Variants in PTPRD observed in about 807,000 individuals in gnomAD.
PTPRD encodes the protein receptor-type tyrosine-protein phosphatase delta.
In PTPRD, 34 loss-of-function variants were observed where a neutral mutation model predicts 214.5. The ratio of observed to expected loss-of-function variants is 0.16; its 90% CI spans 0.12 to 0.21. The LOEUF (loss-of-function observed/expected upper bound fraction) is 0.21. PTPRD is among the 10% of genes least tolerant of loss of function. The probability of loss-of-function intolerance (pLI) is 1.00; values close to 1 mark genes in which losing one functional copy is unlikely to be tolerated. For missense variants in PTPRD, 2,545 were observed against 2,398.7 expected (o/e 1.06, Z -1.27); for synonymous variants, 1,128 against 845.7 (o/e 1.33, Z -5.79).
In PTPRD at chr9:8,441,609, T is replaced by C. The variant is rs993524534; in HGVS notation, c.3989-4920A>G. 7.2e-5 allele frequency among the ~76,000 whole-genome samples: 11 copies of C among 152,006 alleles called. No individual in the cohort carries two copies. The East Asian group carries it at 1.9e-3, about 27-fold the overall frequency. ...TATGTGAATTAGAATCAAGGAGTGT[T>C]GGGAGTGACAGACTGCATGCTTGTA... is the stretch of plus-strand genomic sequence containing the variant. On this transcript the variant is annotated intron_variant, in intron 34 of 45. Coordinates refer to ENST00000381196, the MANE Select transcript of PTPRD (RefSeq NM_002839.4).
chr9:8,836,725 T>TAGC (rs1343281553), intron 11 of PTPRD, among the ~76,000 whole-genome samples: 2 of 149,982 alleles, frequency 1.3e-5, no homozygotes, highest in Admixed American at 1.3e-4. Context: ...GCCTCCTGAG[T>TAGC]AGCTGGGACT....
At chr9:10,145,172 G>A (rs2099013774) in intron 3 of PTPRD, among the ~76,000 whole-genome samples, 1 of 152,080 alleles carries the variant, frequency 6.6e-6, no homozygotes, top group Admixed American at 6.6e-5. Context: ...TGTAAAAATT[G>A]AGATTTCTGT....
At chr9:10,135,943 TAAA>T (rs3075566) in intron 3 of PTPRD, among the ~76,000 whole-genome samples, 1 of 142,090 alleles carries the variant, frequency 7.0e-6, no homozygotes. Flanking sequence ...TAAGTTGAAT[TAAA>T]AAAAAAAAAA....
chr9:8,563,528 A>T (rs757518794), intron 14 of PTPRD, among the ~76,000 whole-genome samples: 1 of 144,544 alleles, frequency 6.9e-6, no homozygotes, highest in Admixed American at 7.2e-5. Context: ...ACCTCTGCTC[A>T]TGGGTTCAAG....
At chr9:10,506,439 C>G (rs1017044175) in intron 2 of PTPRD, among the ~76,000 whole-genome samples, 1 of 151,970 alleles carries the variant, frequency 6.6e-6, no homozygotes, top group Non-Finnish European at 1.5e-5. Flanking sequence ...ATGATTTCGA[C>G]TAATTTATGT....
chr9:10,501,196 G>C (rs562249791), intron 2 of PTPRD, among the ~76,000 whole-genome samples: 17 of 151,984 alleles, frequency 1.1e-4, no homozygotes, highest in African/African-American at 3.9e-4. Flanking sequence ...ATCCTCATTG[G>C]CATTCACTGG....
At chr9:8,923,724 C>T (rs1014504345) in intron 11 of PTPRD, among the ~76,000 whole-genome samples, 1 of 152,240 alleles carries the variant, frequency 6.6e-6, no homozygotes, top group Non-Finnish European at 1.5e-5. Flanking sequence ...TTGTCCATTT[C>T]GTTGATATTC....
rs560328431 is a variant in PTPRD, at chr9:8,725,753, G to C, written c.64+8027C>G. On this transcript the variant is annotated intron_variant, in intron 12 of 45. Transcript: ENST00000381196. ...ATTTATCTTCATTTTACAGATGAGAGACACATAGAGATTTGTACCCTGTCT... is the reference window on the plus strand; with the variant it reads ...ATTTATCTTCATTTTACAGATGAGACACACATAGAGATTTGTACCCTGTCT... 2.0e-3 allele frequency among the ~76,000 whole-genome samples: 312 copies of C among 152,258 alleles called. 3 individuals are homozygous for C. The highest frequency in any genetic ancestry group is 5.9e-3 in the African/African-American group (246 of 41,534).
chr9:8,414,121 T>C (rs2093721318), intron 35 of PTPRD, among the ~76,000 whole-genome samples: 1 of 152,162 alleles, frequency 6.6e-6, no homozygotes, highest in Non-Finnish European at 1.5e-5. Context: ...CCTAGTACCT[T>C]AGAACTAGTT....
At chr9:8,445,971 C>A (rs1368410365) in intron 34 of PTPRD, among the ~76,000 whole-genome samples, 1 of 152,126 alleles carries the variant, frequency 6.6e-6, no homozygotes, top group African/African-American at 2.4e-5. Context: ...TGTACAGATT[C>A]AAGTCCAAGC....
At position 10,076,524 on chromosome 9, in the gene PTPRD, A is replaced by G. The variant is rs576059458; in HGVS notation, c.-544-42734T>C. ...CTGAAGGTCCATATGATAAAACTCT[A>G]TAAAAACATGCAGTAAATGAGAAGC... On this transcript the variant is annotated intron_variant, in intron 3 of 45. Coordinates refer to ENST00000381196, the MANE Select transcript of PTPRD (RefSeq NM_002839.4). Among the ~76,000 whole-genome samples the G allele has an allele frequency of 4.6e-5, 7 of 152,250 alleles. No individual in the cohort carries two copies. In the East Asian group the frequency reaches 5.8e-4, roughly 13 times the overall value.
chr9:9,957,981 T>C (rs978167065), intron 4 of PTPRD, among the ~76,000 whole-genome samples: 1 of 152,054 alleles, frequency 6.6e-6, no homozygotes, highest in Non-Finnish European at 1.5e-5. Context: ...GGGGAAAAGG[T>C]ATCTTTCAGC....
intron 11 of PTPRD, among the ~76,000 whole-genome samples, chr9:8,840,799 G>A (rs1438734854): frequency 6.6e-6 from 1 of 151,870 alleles, no homozygotes; most frequent in Non-Finnish European, 1.5e-5. Context: ...ATGACTGATC[G>A]CCCTTTCAGT....
chr9:10,547,478 T>C (rs1025247356), intron 2 of PTPRD, among the ~76,000 whole-genome samples: 17 of 152,132 alleles, frequency 1.1e-4, no homozygotes, highest in Admixed American at 6.6e-4. Context: ...TGTGAAAGCA[T>C]TGTCTAATAA....
At chr9:9,434,572 C>T (rs894004584) in intron 8 of PTPRD, among the ~76,000 whole-genome samples, 55 of 152,104 alleles carry the variant, frequency 3.6e-4, no homozygotes, top group African/African-American at 1.3e-3. Context: ...TCAAAGCAAT[C>T]CTGAGCAAAA....
At chr9:8,450,037 A>T (rs1013192061) in intron 33 of PTPRD, among the ~76,000 whole-genome samples, 200 bp from the exon 34 acceptor site, 2 of 152,050 alleles carry the variant, frequency 1.3e-5, no homozygotes, top group Non-Finnish European at 2.9e-5. Flanking sequence ...TTTTTGTTTA[A>T]GTCAATGATC....
At chr9:8,336,611 A>G (rs1403839691) in intron 43 of PTPRD, among the ~76,000 whole-genome samples, 2 of 148,184 alleles carry the variant, frequency 1.3e-5, no homozygotes, top group Admixed American at 6.8e-5. Context: ...TAATTAAACT[A>G]AAGAGCTTCT....
chr9:8,646,367 T>C (rs995871823), intron 12 of PTPRD, among the ~76,000 whole-genome samples: 1 of 152,198 alleles, frequency 6.6e-6, no homozygotes, highest in Non-Finnish European at 1.5e-5. Flanking sequence ...CAAAAAATAA[T>C]AAACCAACTT....
intron 11 of PTPRD, among the ~76,000 whole-genome samples, chr9:8,772,127 T>C: frequency 6.6e-6 from 1 of 151,230 alleles, no homozygotes; most frequent in East Asian, 1.9e-4. Flanking sequence ...AAACTATTCC[T>C]TCCTGAAAAA....
Sources: allele counts gnomAD v4.1 joint callset (sites outside exome capture counted in the v4.1 genomes callset), GRCh38; gene constraint gnomAD v4.1.1; transcripts MANE v1.5; gene names NCBI Gene and HGNC (gene_info 2026-07-23, HGNC 2026-07-21).